The following ITPK1 variants were observed in gnomAD, a reference collection of about 807,000 sequenced individuals.
The protein encoded by ITPK1 is inositol-tetrakisphosphate 1-kinase.
Under a neutral mutation model 45.3 loss-of-function variants are expected in ITPK1, and 21 were observed. That is an observed-to-expected ratio of 0.46 (90% CI 0.33 to 0.67). The LOEUF (loss-of-function observed/expected upper bound fraction) is 0.67, where lower values mean the gene tolerates loss of function less well. Among genes scored for constraint, ITPK1 ranks in the 30% least tolerant of loss-of-function variants. The probability of loss-of-function intolerance (pLI) is 0.02; values close to 1 mark genes in which losing one functional copy is unlikely to be tolerated. For synonymous variants in ITPK1, 258 were observed against 253.6 expected, an observed-to-expected ratio of 1.02 and a Z score of -0.16; for missense variants, 474 against 573.5, an observed-to-expected ratio of 0.83 and a Z score of 1.77.
At chr14:93,087,187 C>G (rs1327406933) in intron 2 of ITPK1, among the ~76,000 whole-genome samples, 1 of 152,238 alleles carries the variant, frequency 6.6e-6, no homozygotes, top group Non-Finnish European at 1.5e-5. Flanking sequence ...ATCGATTCCT[C>G]CGCTTTCTCT....
intron 9 of ITPK1, among the ~76,000 whole-genome samples, chr14:92,947,485 G>C (rs924216143): frequency 6.6e-6 from 1 of 152,270 alleles, no homozygotes; most frequent in Non-Finnish European, 1.5e-5. Context: ...GAGTCAGAGA[G>C]ACGTGGGTTC....
chr14:92,954,183 C>A (rs541807507), intron 8 of ITPK1, among the ~76,000 whole-genome samples: 1 of 152,364 alleles, frequency 6.6e-6, no homozygotes, highest in African/African-American at 2.4e-5. Context: ...GCATGAGCCA[C>A]CGCACCTGGC....
chr14:93,084,574 G>A (rs996477821), intron 2 of ITPK1, among the ~76,000 whole-genome samples: 4 of 151,958 alleles, frequency 2.6e-5, no homozygotes, highest in Non-Finnish European at 4.4e-5. Flanking sequence ...CCAGCCTTTC[G>A]ACACTACTTG....
intron 3 of ITPK1, among the ~76,000 whole-genome samples, chr14:93,039,804 C>A (rs1281469090): frequency 6.6e-6 from 1 of 152,196 alleles, no homozygotes; most frequent in East Asian, 1.9e-4. Context: ...GTTCTCCCTG[C>A]CAAAGTCTCC....
rs1889333766 is a variant in ITPK1, at chr14:93,036,634, A to AGG, written c.121-19835_121-19834dup. The stretch of plus-strand genomic sequence containing the variant: ...CATGACTCACCAGGCTCAGCACCCC[A>AGG]GGGGCCGGGTGAGGGCTCTCCCCCA... On this transcript the variant is annotated intron_variant, in intron 3 of 10. Coordinates refer to ENST00000267615, the MANE Select transcript of ITPK1 (RefSeq NM_014216.6). This position sits in a 1 kb window ranked among gnomAD's most constrained non-coding sequence, Gnocchi z 4.1. Among the ~76,000 whole-genome samples, 1 of 149,996 alleles carries AGG rather than the reference A, an allele frequency of 6.7e-6. No individual in the cohort carries two copies. The highest frequency in any genetic ancestry group is 2.5e-5 in the African/African-American group (1 of 40,512).
Position 92,972,346 on chromosome 14 carries a change from G to A in ITPK1, c.365-9497C>T, listed in dbSNP as rs533868383. On this transcript the variant is annotated intron_variant, in intron 5 of 10. Transcript: ENST00000267615. ...AGTAGAGTGGGTCCTAATCCAATAGGACTGGTGTCCTTATAAGGAGATTAG... is the reference window on the plus strand; with the variant it reads ...AGTAGAGTGGGTCCTAATCCAATAGAACTGGTGTCCTTATAAGGAGATTAG... Among the ~76,000 whole-genome samples the A allele has an allele frequency of 1.1e-4, 16 of 152,230 alleles. No individual in the cohort carries two copies. In the South Asian group the frequency reaches 3.3e-3, roughly 32 times the overall value.
Position 93,076,055 on chromosome 14 carries a change from A to ATCC in ITPK1, c.120+537_120+539dup, listed in dbSNP as rs1397076240. Among the ~76,000 whole-genome samples the ATCC allele has an allele frequency of 6.8e-6, 1 of 146,542 alleles. No individual in the cohort carries two copies. Among genetic ancestry groups the ATCC allele is most frequent in the Non-Finnish European group, 1.5e-5 (1 of 66,442 alleles). On this transcript the variant is annotated intron_variant, in intron 3 of 10. Coordinates refer to ENST00000267615, the MANE Select transcript of ITPK1 (RefSeq NM_014216.6). The surrounding 1 kb of genome is among the most constrained non-coding windows in gnomAD (Gnocchi z 4.3). Reference sequence around the variant, plus strand: ...CCATCCTTCCCTCTTCTCTCCATCCATCCTTCTATCCTTCCTCCCCTCCAT... The same window carrying ATCC: ...CCATCCTTCCCTCTTCTCTCCATCCATCCTCCTTCTATCCTTCCTCCCCTCCAT...
intron 5 of ITPK1, among the ~76,000 whole-genome samples, chr14:92,965,632 C>T (rs1885304003): frequency 6.6e-6 from 1 of 152,224 alleles, no homozygotes; most frequent in African/African-American, 2.4e-5. Context: ...ACTATTAGAG[C>T]TAATAAATGA....
chr14:93,008,469 A>G lies in ITPK1; in HGVS notation c.246+8207T>C, dbSNP rs778772056. ...TAGTTACTGATGAATGATCTCACAG[A>G]TCAGTGGAGAGACAAACGGGTAGGG... On this transcript the variant is annotated intron_variant, in intron 4 of 10. Transcript: ENST00000267615. Among the ~76,000 whole-genome samples the G allele has an allele frequency of 4.6e-5, 7 of 152,340 alleles. No individual in the cohort carries two copies. The South Asian group carries it at 6.2e-4, about 14-fold the overall frequency.
intron 9 of ITPK1, among the ~76,000 whole-genome samples, chr14:92,947,084 G>A (rs541578932): frequency 6.6e-6 from 1 of 152,318 alleles, no homozygotes; most frequent in Non-Finnish European, 1.5e-5. Flanking sequence ...GGGCACAAGT[G>A]AGGAGTTCTG....
intron 2 of ITPK1, among the ~76,000 whole-genome samples, chr14:93,088,587 A>T (rs1476090912): frequency 6.6e-6 from 1 of 151,868 alleles, no homozygotes; most frequent in Admixed American, 6.6e-5. Flanking sequence ...AACTCCCAAC[A>T]TCAAGTGATC....
At chr14:93,078,792 C>T (rs972469835) in intron 2 of ITPK1, among the ~76,000 whole-genome samples, 9 of 152,168 alleles carry the variant, frequency 5.9e-5, no homozygotes, top group African/African-American at 1.9e-4. Context: ...CCCCTCCCCC[C>T]GCAGGGACGA....
At chr14:92,949,482 C>T (rs987581736) in intron 9 of ITPK1, among the ~76,000 whole-genome samples, 1 of 152,242 alleles carries the variant, frequency 6.6e-6, no homozygotes. Context: ...AGCCACTCAT[C>T]CTGCAGCCCA....
chr14:92,958,518 T>C lies in ITPK1; in HGVS notation c.505-152A>G, dbSNP rs1037942486. The C allele has an allele frequency of 1.5e-6, 1 of 687,056 alleles. No individual in the cohort carries two copies. The highest frequency in any genetic ancestry group is 2.5e-6 in the Non-Finnish European group (1 of 406,482). The allele number at this position is 687,056 out of a possible 1,614,324, so 42.6% of individuals were successfully genotyped here. On this transcript the variant is annotated intron_variant, in intron 7 of 10. Coordinates refer to ENST00000267615, the MANE Select transcript of ITPK1 (RefSeq NM_014216.6). The surrounding 1 kb of genome is among the most constrained non-coding windows in gnomAD (Gnocchi z 4.4). ...CCCCTAGAGGAGCCTTGAGCCAGGG[T>C]GAGTGGAGTGGGACTTGTGAAGAAC... is the stretch of plus-strand genomic sequence containing the variant.
Position 93,076,742 on chromosome 14 carries a change from G to C in ITPK1, c.96-123C>G. The C allele has an allele frequency of 1.8e-6, 2 of 1,104,024 alleles. No individual in the cohort carries two copies. The highest frequency in any genetic ancestry group is 2.7e-6 in the Non-Finnish European group (2 of 728,874). 68.4% of individuals were successfully genotyped at this position (1,104,024 alleles called of 1,614,324 possible). A position where few individuals can be genotyped will look rare whatever the true frequency, so the allele number is the denominator to read the frequency against. ...GGGTTTCAGGAGGGAGCCGGCAGCTGCGCCTCTCCTGCTACTGTCCCAGAA... is the reference window on the plus strand; with the variant it reads ...GGGTTTCAGGAGGGAGCCGGCAGCTCCGCCTCTCCTGCTACTGTCCCAGAA... On this transcript the variant is annotated intron_variant, in intron 2 of 10. Transcript: ENST00000267615. The surrounding 1 kb of genome is among the most constrained non-coding windows in gnomAD (Gnocchi z 4.3).
chr14:93,090,296 T>G (rs1469698759), intron 2 of ITPK1, among the ~76,000 whole-genome samples: 1 of 152,160 alleles, frequency 6.6e-6, no homozygotes, highest in Non-Finnish European at 1.5e-5. Context: ...CCCCCATCCC[T>G]GCCTACCATG....
In ITPK1 at chr14:93,076,580, G is replaced by T; in HGVS notation, c.120+15C>A. The T allele has an allele frequency of 6.2e-7, 1 of 1,614,068 alleles. No individual in the cohort carries two copies. Among genetic ancestry groups the T allele is most frequent in the Non-Finnish European group, 8.5e-7 (1 of 1,179,956 alleles). ...CCACTACCCAAAGAACCACGGGGAC[G>T]CGGTCTGTACTCACCTGCACAACCT... On this transcript the variant is annotated intron_variant, in intron 3 of 10. Transcript: ENST00000267615. This position sits in a 1 kb window ranked among gnomAD's most constrained non-coding sequence, Gnocchi z 4.3.
At chr14:92,949,302 G>A (rs111799131) in intron 9 of ITPK1, among the ~76,000 whole-genome samples, 21 of 152,178 alleles carry the variant, frequency 1.4e-4, no homozygotes, top group East Asian at 7.7e-4. Context: ...ATCTCACTAC[G>A]TTTCCCAGGC....
intron 5 of ITPK1, among the ~76,000 whole-genome samples, chr14:92,973,060 C>T (rs1006749942): frequency 2.0e-5 from 3 of 152,224 alleles, no homozygotes; most frequent in African/African-American, 7.2e-5. Flanking sequence ...CCCAAGAACA[C>T]GCTGTCCCAT....
Sources: gnomAD v4.1 joint callset for allele counts (sites outside exome capture counted in the v4.1 genomes callset) on GRCh38, gnomAD v4.1.1 for gene constraint, Gnocchi (gnomAD v3.1) non-coding constraint, MANE v1.5 for transcripts, NCBI Gene and HGNC (gene_info 2026-07-23, HGNC 2026-07-21) for gene names.